CACNA2D3: variants seen among roughly 807,000 people sequenced by gnomAD.
The protein encoded by CACNA2D3 is calcium voltage-gated channel auxiliary subunit alpha2delta 3, also known as voltage-dependent calcium channel subunit alpha-2/delta-3.
Under a neutral mutation model 160.6 loss-of-function variants are expected in CACNA2D3, and 60 were observed. That is an observed-to-expected ratio of 0.37 (90% CI 0.30 to 0.46). CACNA2D3 has a LOEUF of 0.46. Among genes scored for constraint, CACNA2D3 ranks in the 20% least tolerant of loss-of-function variants. The pLI is 1.00. For missense variants in CACNA2D3, 1,205 were observed against 1,365.0 expected (o/e 0.88, Z 1.85); for synonymous variants, 558 against 492.9 (o/e 1.13, Z -1.75).
intron 3 of CACNA2D3, among the ~76,000 whole-genome samples, chr3:54,362,175 G>A (rs1376151253): frequency 6.6e-6 from 1 of 152,204 alleles, no homozygotes; most frequent in East Asian, 1.9e-4. Context: ...CAGCAGAGCT[G>A]GTTTTCCTGC....
chr3:54,502,689 T>C (rs549926594), intron 4 of CACNA2D3, among the ~76,000 whole-genome samples: 17 of 152,332 alleles, frequency 1.1e-4, no homozygotes, highest in Admixed American at 7.2e-4. Context: ...CCTTATCAGC[T>C]GTGTAATTTT....
chr3:54,549,400 C>T (rs551151963), intron 5 of CACNA2D3, among the ~76,000 whole-genome samples: 33 of 152,312 alleles, frequency 2.2e-4, no homozygotes, highest in Non-Finnish European at 3.1e-4. Context: ...GAGCCGAGAT[C>T]GTGCCACTGC....
At chr3:54,232,245 T>A (rs539792148) in intron 2 of CACNA2D3, among the ~76,000 whole-genome samples, 3 of 152,198 alleles carry the variant, frequency 2.0e-5, no homozygotes, top group Non-Finnish European at 4.4e-5. Context: ...GGTTACTGAA[T>A]CCTTTGAAGC....
chr3:54,350,696 A>G (rs535608231), intron 3 of CACNA2D3, among the ~76,000 whole-genome samples: 1 of 152,328 alleles, frequency 6.6e-6, no homozygotes, highest in East Asian at 1.9e-4. Flanking sequence ...CTCACAACCC[A>G]GGCAAATGCT....
intron 35 of CACNA2D3, among the ~76,000 whole-genome samples, chr3:55,040,870 G>A (rs942460268): frequency 3.3e-5 from 5 of 152,090 alleles, no homozygotes; most frequent in East Asian, 3.9e-4. Flanking sequence ...GAGCAGCATC[G>A]CTTCCATTTC....
At chr3:54,416,175 G>C (rs1459665971) in intron 4 of CACNA2D3, among the ~76,000 whole-genome samples, 3 of 152,162 alleles carry the variant, frequency 2.0e-5, no homozygotes, top group Non-Finnish European at 1.5e-5. Flanking sequence ...ATATGGTTAA[G>C]CTACTTAGTT....
At chr3:54,346,015 T>C (rs1057457712) in intron 3 of CACNA2D3, among the ~76,000 whole-genome samples, 11 of 150,222 alleles carry the variant, frequency 7.3e-5, no homozygotes, top group African/African-American at 2.5e-4. Flanking sequence ...TGAGTGGACC[T>C]TTGGTGGAGG....
At chr3:54,202,483 T>G (rs1019505773) in intron 2 of CACNA2D3, among the ~76,000 whole-genome samples, 3 of 152,248 alleles carry the variant, frequency 2.0e-5, no homozygotes, top group African/African-American at 7.2e-5. Flanking sequence ...CCCCATTCCT[T>G]ATACTGTGAG....
At chr3:54,836,183 G>A (rs890073966) in intron 14 of CACNA2D3, among the ~76,000 whole-genome samples, 8 of 150,704 alleles carry the variant, frequency 5.3e-5, no homozygotes, top group Non-Finnish European at 1.2e-4. Context: ...GTTTACAGAC[G>A]TGAATCACAT....
chr3:54,402,333 A>T lies in CACNA2D3; in HGVS notation c.381+15559A>T, dbSNP rs553389256. Among the ~76,000 whole-genome samples, 268 of 152,302 alleles carry T rather than the reference A, an allele frequency of 1.8e-3. 1 individual carries two copies. Among genetic ancestry groups the T allele is most frequent in the African/African-American group, 6.2e-3 (257 of 41,574 alleles). On this transcript the variant is annotated intron_variant, in intron 4 of 37. Transcript: ENST00000474759. Reference sequence around the variant, plus strand: ...ATTAAATTCTCCAACCAAAAGACATAGAGTGGCTAAATTGATTAAAAAAAC... The same window carrying T: ...ATTAAATTCTCCAACCAAAAGACATTGAGTGGCTAAATTGATTAAAAAAAC...
chr3:54,901,105 A>G (rs1330007383), intron 27 of CACNA2D3: 3 of 152,178 alleles, frequency 2.0e-5, no homozygotes, highest in Non-Finnish European at 4.4e-5. Context: ...GGGAGACGGG[A>G]TCATTTAACT....
At position 54,758,547 on chromosome 3, in the gene CACNA2D3, G is replaced by T. The variant is rs1234342061; in HGVS notation, c.1247-5671G>T. Among the ~76,000 whole-genome samples the T allele has an allele frequency of 3.3e-5, 5 of 152,174 alleles. No homozygotes were observed. In the South Asian group the frequency reaches 8.3e-4, roughly 25 times the overall value. On this transcript the variant is annotated intron_variant, in intron 12 of 37. Transcript: ENST00000474759. ...GGAGGTAGGAAGCTGTTTATAAATT[G>T]TACCTTTTTCTATAGAAATAAGTGT...
At chr3:54,230,748 C>T (rs372249371) in intron 2 of CACNA2D3, among the ~76,000 whole-genome samples, 4 of 152,172 alleles carry the variant, frequency 2.6e-5, no homozygotes, top group East Asian at 1.9e-4. Flanking sequence ...CTAGATATGA[C>T]GTTTTTATTT....
chr3:54,654,623 G>T (rs750845505), intron 11 of CACNA2D3, among the ~76,000 whole-genome samples: 4 of 152,084 alleles, frequency 2.6e-5, no homozygotes, highest in Non-Finnish European at 5.9e-5. Context: ...ATCAGGCTGG[G>T]ACCCGGACCT....
intron 8 of CACNA2D3, among the ~76,000 whole-genome samples, chr3:54,581,044 C>T (rs778699206): frequency 2.2e-4 from 34 of 152,096 alleles, no homozygotes; most frequent in Non-Finnish European, 4.1e-4. Flanking sequence ...CACAAAGTCC[C>T]GGGAACATTC....
chr3:54,249,822 A>G (rs1469608557), intron 2 of CACNA2D3, among the ~76,000 whole-genome samples: 4 of 151,836 alleles, frequency 2.6e-5, no homozygotes, highest in Non-Finnish European at 4.4e-5. Context: ...AATAATATCA[A>G]AGTGGTTCAT....
chr3:54,858,082 C>G lies in CACNA2D3; in HGVS notation c.1626+11615C>G, dbSNP rs149376049. On this transcript the variant is annotated intron_variant, in intron 17 of 37. Coordinates refer to ENST00000474759, the MANE Select transcript of CACNA2D3 (RefSeq NM_018398.3). The stretch of plus-strand genomic sequence containing the variant: ...TTGTTCTACTAGATTAATTTCATAT[C>G]TAGAATGCCCCATCTTGGATGATGA... 2.0e-5 allele frequency among the ~76,000 whole-genome samples: 3 copies of G among 151,442 alleles called. No homozygotes were observed. In the East Asian group the frequency reaches 5.8e-4, roughly 29 times the overall value.
chr3:55,008,924 CAG>C (rs1703154732), intron 33 of CACNA2D3, among the ~76,000 whole-genome samples: 4 of 148,608 alleles, frequency 2.7e-5, no homozygotes, highest in South Asian at 2.1e-4. Context: ...CACACACACA[CAG>C]GGGGCTTAAA....
At chr3:54,481,520 G>C (rs76648639) in intron 4 of CACNA2D3, among the ~76,000 whole-genome samples, 2 of 152,192 alleles carry the variant, frequency 1.3e-5, no homozygotes, top group Admixed American at 6.5e-5. Flanking sequence ...CAGTTGGAGC[G>C]TGTGAAATGA....
Sources: allele counts gnomAD v4.1 joint callset (sites outside exome capture counted in the v4.1 genomes callset), GRCh38; gene constraint gnomAD v4.1.1; transcripts MANE v1.5; gene names NCBI Gene and HGNC (gene_info 2026-07-23, HGNC 2026-07-21).